Variants in NLGN1 observed in about 807,000 individuals in gnomAD.
NLGN1 encodes the protein neuroligin-1.
Under a neutral mutation model 65.5 loss-of-function variants are expected in NLGN1, and 12 were observed. The ratio of observed to expected loss-of-function variants is 0.18; its 90% CI spans 0.12 to 0.30. The LOEUF (loss-of-function observed/expected upper bound fraction) is 0.30. Ranked by LOEUF, NLGN1 falls within the 10% of genes least tolerant of loss-of-function variation. NLGN1 has a pLI of 1.00. For missense variants in NLGN1, 750 were observed against 1,007.1 expected, an observed-to-expected ratio of 0.74 and a Z score of 3.46; for synonymous variants, 350 against 359.5, an observed-to-expected ratio of 0.97 and a Z score of 0.30.
rs1442719308 is a variant in NLGN1, at chr3:174,275,502, T to C, written c.834T>C (p.Gly278=). The change falls in exon 5 of 7, where the codon GGT becomes GGC. Residue 278 remains glycine, a synonymous_variant. Coordinates refer to ENST00000457714, the Ensembl canonical transcript of NLGN1. ...TGACTTTATCCCATTATTCTGAAGG[T>C]AACCGTTGGAGCAATTCAACCAAAG... 5 of 1,612,076 alleles carry C rather than the reference T, an allele frequency of 3.1e-6. No homozygotes were observed. In the African/African-American group the frequency reaches 4.0e-5, roughly 13 times the overall value.
intron 4 of NLGN1, among the ~76,000 whole-genome samples, chr3:174,134,465 A>T (rs1720828384): frequency 6.6e-6 from 1 of 152,178 alleles, no homozygotes; most frequent in Admixed American, 6.5e-5. Context: ...ATCTGCATTT[A>T]ACACATTACG....
intron 2 of NLGN1, among the ~76,000 whole-genome samples, chr3:173,435,572 C>T (rs755954095): frequency 2.0e-5 from 3 of 152,220 alleles, no homozygotes; most frequent in African/African-American, 4.8e-5. Context: ...CGGTGGCACA[C>T]GCCTGTAATC....
chr3:173,563,567 T>C (rs183479142), intron 2 of NLGN1, among the ~76,000 whole-genome samples: 4 of 152,338 alleles, frequency 2.6e-5, no homozygotes, highest in Admixed American at 2.6e-4. Context: ...CTGATTCTCT[T>C]TGATACGCTT....
chr3:174,135,705 G>T (rs1721083254), intron 4 of NLGN1, among the ~76,000 whole-genome samples: 1 of 152,102 alleles, frequency 6.6e-6, no homozygotes, highest in Non-Finnish European at 1.5e-5. Flanking sequence ...AATCGTCACT[G>T]TGGTCATTTG....
chr3:173,931,051 T>C (rs1240133874), intron 4 of NLGN1, among the ~76,000 whole-genome samples: 1 of 152,214 alleles, frequency 6.6e-6, no homozygotes, highest in Non-Finnish European at 1.5e-5. Context: ...CTAGTATTCA[T>C]TTCAGTACAT....
At position 174,041,092 on chromosome 3, in the gene NLGN1, G is replaced by A. The variant is rs140371618; in HGVS notation, c.646+233260G>A. Among the ~76,000 whole-genome samples the A allele has an allele frequency of 3.9e-5, 6 of 152,202 alleles. No individual in the cohort carries two copies. In the South Asian group the frequency reaches 6.2e-4, roughly 16 times the overall value. ...CAAACATACCTGTGTAAGCCAAGCT[G>A]CTATCAAGATACAGACCGTTGTCAT... is the stretch of plus-strand genomic sequence containing the variant. On this transcript the variant is annotated intron_variant, in intron 4 of 6. Transcript: ENST00000457714.
At chr3:173,449,465 G>A (rs911702552) in intron 2 of NLGN1, among the ~76,000 whole-genome samples, 7 of 152,156 alleles carry the variant, frequency 4.6e-5, no homozygotes, top group African/African-American at 1.7e-4. Flanking sequence ...CATTTGCTGA[G>A]GAGTGCTTTA....
chr3:173,874,200 T>C (rs1731704647), intron 4 of NLGN1, among the ~76,000 whole-genome samples: 1 of 152,204 alleles, frequency 6.6e-6, no homozygotes, highest in Non-Finnish European at 1.5e-5. Context: ...TCTTTTCATA[T>C]TGGGCAGTCA....
intron 4 of NLGN1, among the ~76,000 whole-genome samples, chr3:173,855,631 A>G (rs561917343): frequency 6.6e-6 from 1 of 152,136 alleles, no homozygotes; most frequent in East Asian, 1.9e-4. Context: ...AAAATAAAGA[A>G]TGACCACAAC....
At chr3:173,923,340 G>A (rs1190478200) in intron 4 of NLGN1, among the ~76,000 whole-genome samples, 1 of 152,078 alleles carries the variant, frequency 6.6e-6, no homozygotes, top group Non-Finnish European at 1.5e-5. Context: ...TTCAGAATCA[G>A]CATTTCTAAA....
chr3:173,736,772 T>A (rs1773839113), intron 3 of NLGN1, among the ~76,000 whole-genome samples: 1 of 152,078 alleles, frequency 6.6e-6, no homozygotes, highest in South Asian at 2.1e-4. Context: ...ACAATATGAT[T>A]ATGACTTCAA....
At chr3:174,248,227 T>C (rs1744144170) in intron 4 of NLGN1, among the ~76,000 whole-genome samples, 1 of 152,196 alleles carries the variant, frequency 6.6e-6, no homozygotes, top group Non-Finnish European at 1.5e-5. Flanking sequence ...TCTATAAATT[T>C]GTACATATGG....
chr3:173,655,601 G>A (rs961656281), intron 3 of NLGN1, among the ~76,000 whole-genome samples: 1 of 151,736 alleles, frequency 6.6e-6, no homozygotes, highest in Non-Finnish European at 1.5e-5. Flanking sequence ...CAAACCTCTA[G>A]TTCTCTGTTC....
intron 4 of NLGN1, among the ~76,000 whole-genome samples, chr3:174,072,009 A>G (rs1344891114): frequency 1.3e-5 from 2 of 152,170 alleles, no homozygotes; most frequent in Admixed American, 1.3e-4. Flanking sequence ...AAGGCGCCTC[A>G]TGTGGAAAGG....
chr3:173,704,329 A>T (rs1767714439), intron 3 of NLGN1, among the ~76,000 whole-genome samples: 1 of 152,180 alleles, frequency 6.6e-6, no homozygotes, highest in Admixed American at 6.5e-5. Context: ...TGATGGTCAA[A>T]ATTGGTGGCC....
At chr3:173,708,171 A>G (rs1272542602) in intron 3 of NLGN1, among the ~76,000 whole-genome samples, 1 of 152,226 alleles carries the variant, frequency 6.6e-6, no homozygotes, top group Non-Finnish European at 1.5e-5. Flanking sequence ...CCAATATAAA[A>G]ATTATAAAAT....
At chr3:173,768,373 G>A (rs2150247369) in intron 3 of NLGN1, among the ~76,000 whole-genome samples, 1 of 152,180 alleles carries the variant, frequency 6.6e-6, no homozygotes, top group Non-Finnish European at 1.5e-5. Context: ...GAGAAAACTT[G>A]GTGAGACAGT....
intron 2 of NLGN1, among the ~76,000 whole-genome samples, chr3:173,503,799 A>G (rs1731551559): frequency 6.6e-6 from 1 of 151,988 alleles, no homozygotes; most frequent in South Asian, 2.1e-4. Flanking sequence ...AGGGTGTAGC[A>G]CTGTAAATCT....
At chr3:174,040,244 A>T (rs1731987622) in intron 4 of NLGN1, among the ~76,000 whole-genome samples, 1 of 152,016 alleles carries the variant, frequency 6.6e-6, no homozygotes, top group Non-Finnish European at 1.5e-5. Context: ...CTTCTGATTA[A>T]CTCTGTGTGT....
Sources: gnomAD v4.1 joint callset for allele counts (sites outside exome capture counted in the v4.1 genomes callset) on GRCh38, gnomAD v4.1.1 for gene constraint, MANE v1.5 for transcripts, NCBI Gene and HGNC (gene_info 2026-07-23, HGNC 2026-07-21) for gene names.